Variants in LARGE2 observed in about 807,000 individuals in gnomAD.
LARGE2 encodes LARGE xylosyl- and glucuronyltransferase 2.
Under a neutral mutation model 75.3 loss-of-function variants are expected in LARGE2, and 63 were observed. That is an observed-to-expected ratio of 0.84 (90% CI 0.68 to 1.03). LARGE2 has a LOEUF of 1.03. Ranked by LOEUF, LARGE2 falls within the 50% of genes least tolerant of loss-of-function variation. The probability of loss-of-function intolerance (pLI) is 0.00; values close to 1 mark genes in which losing one functional copy is unlikely to be tolerated. For missense variants in LARGE2, 925 were observed against 980.6 expected, an observed-to-expected ratio of 0.94 and a Z score of 0.76; for synonymous variants, 428 against 420.1, an observed-to-expected ratio of 1.02 and a Z score of -0.23.
chr11:45,924,810 G>A lies in LARGE2; in HGVS notation c.690G>A (p.Glu230=). 6.6e-7 allele frequency: 1 copy of A among 1,513,052 alleles called. No individual in the cohort carries two copies. The highest frequency in any genetic ancestry group is 8.9e-7 in the Non-Finnish European group (1 of 1,129,912). 93.7% of individuals were successfully genotyped at this position (1,513,052 alleles called of 1,614,324 possible). The change falls in exon 6 of 14, where the codon GAG becomes GAA. Residue 230 remains glutamate, a synonymous_variant. Coordinates refer to ENST00000401752, the MANE Select transcript of LARGE2 (RefSeq NM_001300721.2). ...ACACGCAGGCGATCGGTCTTGTGGA[G>A]AACCAGAGTGACTGGTACCTGGGCA... is the stretch of plus-strand genomic sequence containing the variant. The part of the protein sequence containing the change: ...FSDTQAIGLV[E]NQSDWYLGNL...
At chr11:45,927,251 G>T (rs2134748734) in intron 10 of LARGE2, 64 bp from the exon 11 acceptor site, 2 of 1,541,824 alleles carry the variant, frequency 1.3e-6, no homozygotes, top group East Asian at 2.3e-5. Flanking sequence ...GGGGAGGTTT[G>T]CCAGGCCTCC....
Position 45,926,548 on chromosome 11 carries a change from G to A in LARGE2, c.1115G>A (p.Arg372Gln), listed in dbSNP as rs146100178. ...TFLEYDGNLL[R>Q]RELFVCPSQP... The stretch of plus-strand genomic sequence containing the variant: ...CTGGAGTACGATGGGAACCTGCTGC[G>A]GAGAGAGCTCTTTGTGTGCCCCAGC... Residue 372 changes from arginine (R) to glutamine (Q), a missense_variant, in exon 9 of 14, where the codon CGG (arginine) becomes CAG (glutamine). By Grantham distance (43) the Arg-to-Gln change is conservative. This residue lies in a region of LARGE2 where 469 missense variants were observed against 503.8 expected (regional missense o/e 0.93). Coordinates refer to ENST00000401752, the MANE Select transcript of LARGE2 (RefSeq NM_001300721.2). 14 of 1,613,978 alleles carry A rather than the reference G, an allele frequency of 8.7e-6. No homozygotes were observed. The African/African-American group carries it at 1.1e-4, about 12-fold the overall frequency.
rs781138042 is a variant in LARGE2, at chr11:45,926,170, G to T, written c.882+19G>T. 1.2e-6 allele frequency: 2 copies of T among 1,605,756 alleles called. No individual in the cohort carries two copies. Among genetic ancestry groups the T allele is most frequent in the Non-Finnish European group, 1.7e-6 (2 of 1,176,080 alleles). ...TGACCAGGTCTGAGGAAGCCTTGCC[G>T]GGTGGGGTGTGGCAGGCTGGGGGCT... On this transcript the variant is annotated intron_variant, in intron 7 of 13. Transcript: ENST00000401752.
In LARGE2 at chr11:45,928,653, C is replaced by G. The variant is rs144939669; in HGVS notation, c.1974C>G (p.Pro658=). Residue 658 remains proline (P), a synonymous_variant, in exon 14 of 14, where the codon CCC becomes CCG. Transcript: ENST00000401752. ...AGGAATATGAGCTCCTGGTGCTGCC[C>G]GAGGCCTTCACCATCCATCTGCCCC... ...DAQEYELLVL[P]EAFTIHLPHA... 1 of 1,614,016 alleles carries G rather than the reference C, an allele frequency of 6.2e-7. No homozygotes were observed. Among genetic ancestry groups the G allele is most frequent in the Non-Finnish European group, 8.5e-7 (1 of 1,180,004 alleles).
intron 4 of LARGE2, 69 bp downstream of exon 4, chr11:45,924,346 G>A (rs2087054952): frequency 3.1e-6 from 5 of 1,588,548 alleles, no homozygotes; most frequent in Non-Finnish European, 4.3e-6. Context: ...AGACCTGGTG[G>A]GGTTGGAGAA....
At position 45,928,651 on chromosome 11, in the gene LARGE2, C is replaced by T; in HGVS notation, c.1972C>T (p.Pro658Ser). The change falls in exon 14 of 14, where the codon CCC becomes TCC. Residue 658 changes from proline (P) to serine (S), a missense_variant. Around this residue, in one of 3 missense-constraint regions of LARGE2, gnomAD observed 469 missense variants for 503.8 expected, o/e 0.93. Transcript: ENST00000401752. ...GCAGGAATATGAGCTCCTGGTGCTG[C>T]CCGAGGCCTTCACCATCCATCTGCC... ...DAQEYELLVL[P>S]EAFTIHLPHA... 1 of 1,614,078 alleles carries T rather than the reference C, an allele frequency of 6.2e-7. No homozygotes were observed. The highest frequency in any genetic ancestry group is 2.2e-5 in the East Asian group (1 of 44,884).
At chr11:45,927,006 C>A in intron 10 of LARGE2, 135 bp downstream of exon 10, 1 of 993,478 alleles carries the variant, frequency 1.0e-6, no homozygotes, top group Non-Finnish European at 1.4e-6. Flanking sequence ...AAGTTGGAGA[C>A]ATTGGATATG....
In LARGE2 at chr11:45,926,917, T is replaced by C. The variant is rs369230936; in HGVS notation, c.1325+46T>C. 111 of 1,556,048 alleles carry C rather than the reference T, an allele frequency of 7.1e-5. No individual in the cohort carries two copies. In the African/African-American group the frequency reaches 1.4e-3, roughly 19 times the overall value. On this transcript the variant is annotated intron_variant, in intron 10 of 13. Coordinates refer to ENST00000401752, the MANE Select transcript of LARGE2 (RefSeq NM_001300721.2). ...CCAGGGGGTATGGCATGGGCTGGGG[T>C]TGGACACTTCTGAGAGGAGGTTCCA...
Position 45,924,155 on chromosome 11 carries a change from A to G in LARGE2, c.370A>G (p.Lys124Glu), listed in dbSNP as rs767391569. 8.7e-6 allele frequency: 14 copies of G among 1,610,330 alleles called. No homozygotes were observed. The East Asian group carries it at 3.1e-4, about 36-fold the overall frequency. The change falls in exon 4 of 14, where the codon AAA becomes GAA. Residue 124 changes from lysine to glutamate, a missense_variant and splice_region_variant. This residue lies in a region of LARGE2 where 453 missense variants were observed against 460.2 expected (regional missense o/e 0.98). Transcript: ENST00000401752. Reference protein sequence around the residue: ...TLVKSMLFYRKNPLHLHLVTD... With the variant: ...TLVKSMLFYRENPLHLHLVTD... ...GCTTCCTCTTTGCCCACCCAAAAGGAAAAATCCACTGCACCTCCACTTGGT... is the reference window on the plus strand; with the variant it reads ...GCTTCCTCTTTGCCCACCCAAAAGGGAAAATCCACTGCACCTCCACTTGGT...
chr11:45,924,218 T>G lies in LARGE2; in HGVS notation c.433T>G (p.Phe145Val), dbSNP rs2087048072. Residue 145 changes from phenylalanine (F) to valine (V), a missense_variant, in exon 4 of 14, where the codon TTC becomes GTC. Phe to Val is a conservative substitution (Grantham distance 50). This residue lies in a region of LARGE2 where 453 missense variants were observed against 460.2 expected (regional missense o/e 0.98). Transcript: ENST00000401752. The part of the protein sequence containing the change: ...AVARNILETL[F>V]HTWMVPAVRV... ...GGCCAGAAACATCCTGGAGACGCTC[T>G]TCCACACATGGATGGTGCCTGCTGT... The G allele has an allele frequency of 1.9e-6, 3 of 1,613,468 alleles. No individual in the cohort carries two copies. The highest frequency in any genetic ancestry group is 2.5e-6 in the Non-Finnish European group (3 of 1,180,016).
At position 45,923,999 on chromosome 11, in the gene LARGE2, A is replaced by T. The variant is rs2087036933; in HGVS notation, c.369-155A>T. Among the ~76,000 whole-genome samples the T allele has an allele frequency of 2.7e-4, 3 of 11,046 alleles. No individual in the cohort carries two copies. The Non-Finnish European group carries it at 4.0e-3, about 15-fold the overall frequency. 7.2% of individuals were successfully genotyped at this position (11,046 alleles called of 152,430 possible). A position where few individuals can be genotyped will look rare whatever the true frequency, so the allele number is the denominator to read the frequency against. On this transcript the variant is annotated intron_variant, in intron 3 of 13. Coordinates refer to ENST00000401752, the MANE Select transcript of LARGE2 (RefSeq NM_001300721.2). Reference sequence around the variant, plus strand: ...AGACTCCGTCTCAAAAAAAAAAAAAAAAAAAAAAAAAAAAAAAAAAAAAAG... The same window carrying T: ...AGACTCCGTCTCAAAAAAAAAAAAATAAAAAAAAAAAAAAAAAAAAAAAAG...
At chr11:45,922,362 C>T (rs963803328), upstream of LARGE2, among the ~76,000 whole-genome samples, 8 of 152,124 alleles carry the variant, frequency 5.3e-5, no homozygotes, top group Non-Finnish European at 1.2e-4. Flanking sequence ...GGCCCCTCCC[C>T]TTGGGGAGTG....
chr11:45,924,712 G>A, intron 5 of LARGE2, 35 bp downstream of exon 5: 1 of 1,576,924 alleles, frequency 6.3e-7, no homozygotes, highest in South Asian at 1.2e-5. Flanking sequence ...GCCTGCCCAG[G>A]ATCCCTGCAT....
chr11:45,928,222 C>T lies in LARGE2; in HGVS notation c.1800C>T (p.Arg600=). Reference sequence around the variant, plus strand: ...GCCACGCACCCACAGACTATGCCCGCTGGCGGGAGGCTCAGGCCCCGTACC... The same window carrying T: ...GCCACGCACCCACAGACTATGCCCGTTGGCGGGAGGCTCAGGCCCCGTACC... The part of the protein sequence containing the change: ...PRGHAPTDYA[R]WREAQAPYRV... Residue 600 remains arginine (R), a synonymous_variant, in exon 13 of 14, where the codon CGC becomes CGT. Transcript: ENST00000401752. 6.2e-7 allele frequency: 1 copy of T among 1,613,980 alleles called. No individual in the cohort carries two copies. Among genetic ancestry groups the T allele is most frequent in the Admixed American group, 1.7e-5 (1 of 60,026 alleles).
Position 45,923,111 on chromosome 11 carries a change from G to T in LARGE2, c.229G>T (p.Gly77Trp). 7.2e-7 allele frequency: 1 copy of T among 1,391,018 alleles called. No individual in the cohort carries two copies. The highest frequency in any genetic ancestry group is 9.3e-7 in the Non-Finnish European group (1 of 1,077,328). The allele number at this position is 1,391,018 out of a possible 1,614,324, so 86.2% of individuals were successfully genotyped here. A position where few individuals can be genotyped will look rare whatever the true frequency, so the allele number is the denominator to read the frequency against. The change falls in exon 2 of 14, where the codon GGG (glycine) becomes TGG (tryptophan). Residue 77 changes from glycine (G) to tryptophan (W), a missense_variant. Physicochemically the swap from Gly to Trp is radical, Grantham distance 184. This residue lies in a region of LARGE2 where 453 missense variants were observed against 460.2 expected (regional missense o/e 0.98). Coordinates refer to ENST00000401752, the MANE Select transcript of LARGE2 (RefSeq NM_001300721.2). ...CGACGGAGACCCGGGGGCCGGCCCC[G>T]GGGACCACAACCGCTCCGACTGCGG... ...ALDGDPGAGP[G>W]DHNRSDCGPQ...
Position 45,928,004 on chromosome 11 carries a change from C to G in LARGE2, c.1689C>G (p.Phe563Leu). 6.2e-7 allele frequency: 1 copy of G among 1,614,010 alleles called. No individual in the cohort carries two copies. Among genetic ancestry groups the G allele is most frequent in the South Asian group, 1.1e-5 (1 of 91,088 alleles). The change falls in exon 12 of 14, where the codon TTC (phenylalanine) becomes TTG (leucine). Residue 563 changes from phenylalanine (F) to leucine (L), a missense_variant. By Grantham distance (22) the Phe-to-Leu change is conservative (BLOSUM62 0). Around this residue, in one of 3 missense-constraint regions of LARGE2, gnomAD observed 469 missense variants for 503.8 expected, o/e 0.93. Coordinates refer to ENST00000401752, the MANE Select transcript of LARGE2 (RefSeq NM_001300721.2). ...CATTCGAGACCCTGCGCTACCGCTT[C>G]AGCTTCCCCCATTCCAAGGTGGAGC... is the stretch of plus-strand genomic sequence containing the variant. The part of the protein sequence containing the change: ...VPAFETLRYR[F>L]SFPHSKVELL...
At chr11:45,924,418 C>T (rs72902492) in intron 4 of LARGE2, 88 bp from the exon 5 acceptor site, 304,121 of 1,562,176 alleles carry the variant, frequency 0.19, 31,164 homozygotes, top group South Asian at 0.21. Flanking sequence ...GGGGGTTTAC[C>T]CCCTCTCCTC....
At position 45,927,386 on chromosome 11, in the gene LARGE2, CAGA is replaced by C. The variant is rs775464177; in HGVS notation, c.1400_1402del (p.Glu467del). 1 of 1,614,080 alleles carries C rather than the reference CAGA, an allele frequency of 6.2e-7. No homozygotes were observed. Among genetic ancestry groups the C allele is most frequent in the Admixed American group, 1.7e-5 (1 of 60,030 alleles). ...AGCCTGGCCTTGTACCTGACAGACG[CAGA>C]AGCTCAGCAGTTCCTGCATTTCGTC... On this transcript the variant is annotated inframe_deletion, in exon 11 of 14. Transcript: ENST00000401752.
upstream of LARGE2, among the ~76,000 whole-genome samples, chr11:45,922,530 G>A (rs975149506): frequency 6.6e-6 from 1 of 152,116 alleles, no homozygotes; most frequent in Non-Finnish European, 1.5e-5. Flanking sequence ...CTCCTCGCGG[G>A]CTGGGGAACC....
Sources: gnomAD v4.1 joint callset for allele counts (sites outside exome capture counted in the v4.1 genomes callset) on GRCh38, gnomAD v4.1.1 for gene constraint, gnomAD v4.1.1 regional missense constraint, MANE v1.5 for transcripts, NCBI Gene and HGNC (gene_info 2026-07-23, HGNC 2026-07-21) for gene names.